Variants in PLAGL1 observed in about 807,000 individuals in gnomAD.
PLAGL1 encodes PLAG1 like zinc finger 1.
In PLAGL1, 1 loss-of-function variant was observed where a neutral mutation model predicts 4.6. That is an observed-to-expected ratio of 0.22 (90% confidence interval 0.08 to 1.03). The LOEUF (loss-of-function observed/expected upper bound fraction) is 1.03, where lower values mean the gene tolerates loss of function less well. PLAGL1 is among the 50% of genes least tolerant of loss of function. PLAGL1 has a pLI of 0.58. For missense variants in PLAGL1, 464 were observed against 570.4 expected, an observed-to-expected ratio of 0.81 and a Z score of 1.90; for synonymous variants, 240 against 237.8, an observed-to-expected ratio of 1.01 and a Z score of -0.08.
Position 143,941,629 on chromosome 6 carries a change from T to G in PLAGL1, c.1187A>C (p.Asn396Thr), listed in dbSNP as rs780866537. The change falls in exon 8 of 8, where the codon AAT becomes ACT. Residue 396 changes from asparagine (N) to threonine (T), a missense_variant. Transcript: ENST00000674357. The surrounding 1 kb of genome is among the most constrained non-coding windows in gnomAD (Gnocchi z 6.0). ...GGCAAGAGTGCTATTCCCAAAGGTA[T>G]TTTGGGTAGCAGGAGGGGGCAGCTG... ...FWQLPPPATQNTFGNSTLALG... is the reference protein window; with the variant it reads ...FWQLPPPATQTTFGNSTLALG... 1 of 1,613,924 alleles carries G rather than the reference T, an allele frequency of 6.2e-7. No homozygotes were observed. The highest frequency in any genetic ancestry group is 2.2e-5 in the East Asian group (1 of 44,870).
chr6:143,954,543 A>G lies in PLAGL1; in HGVS notation c.-325+5926T>C, dbSNP rs975099848. Among the ~76,000 whole-genome samples, 1 of 152,204 alleles carries G rather than the reference A, an allele frequency of 6.6e-6. No homozygotes were observed. The highest frequency in any genetic ancestry group is 1.5e-5 in the Non-Finnish European group (1 of 68,030). On this transcript the variant is annotated intron_variant, in intron 6 of 7. Transcript: ENST00000674357. This position sits in a 1 kb window ranked among gnomAD's most constrained non-coding sequence, Gnocchi z 5.1. ...GAGGCAGCCTCTTATAACTCAGCTA[A>G]TATAATCCAGAGACTAACATTCATT...
Position 144,048,139 on chromosome 6 carries a change from T to C in PLAGL1, c.-151+16329A>G, listed in dbSNP as rs1354814896. On this transcript the variant is annotated intron_variant, in intron 1 of 3. Coordinates refer to the PLAGL1 transcript ENST00000437412. This position sits in a 1 kb window ranked among gnomAD's most constrained non-coding sequence, Gnocchi z 4.8. ...CATGTCTCACATCAGGGTATGCTGATGCAAGAAGTGGGCTCCCACGGTCTT... is the reference window on the plus strand; with the variant it reads ...CATGTCTCACATCAGGGTATGCTGACGCAAGAAGTGGGCTCCCACGGTCTT... Among the ~76,000 whole-genome samples the C allele has an allele frequency of 6.6e-6, 1 of 152,348 alleles. No individual in the cohort carries two copies. Among genetic ancestry groups the C allele is most frequent in the Non-Finnish European group, 1.5e-5 (1 of 68,026 alleles).
chr6:143,991,181 C>T lies in PLAGL1; in HGVS notation c.-583-6007G>A, dbSNP rs192753395. 4.2e-3 allele frequency among the ~76,000 whole-genome samples: 637 copies of T among 152,248 alleles called. 3 individuals are homozygous for T. Among genetic ancestry groups the T allele is most frequent in the Non-Finnish European group, 4.5e-3 (304 of 68,026 alleles). On this transcript the variant is annotated intron_variant, in intron 1 of 7. Transcript: ENST00000674357. ...ATGCAAATTTGCTATGAAGAAACAC[C>T]TCAGAAACTGACTTATATATCATAA...
chr6:144,051,575 A>T (rs1377071949), intron 1 of PLAGL1, among the ~76,000 whole-genome samples: 1 of 152,226 alleles, frequency 6.6e-6, no homozygotes, highest in Non-Finnish European at 1.5e-5. Flanking sequence ...CCAAGTTCAA[A>T]CATATTGTAT....
rs1299414236 is a variant in PLAGL1 at position 144,000,314 on chromosome 6, A to C, written c.-584+7776T>G. Among the ~76,000 whole-genome samples the C allele has an allele frequency of 6.6e-6, 1 of 151,756 alleles. No individual in the cohort carries two copies. Among genetic ancestry groups the C allele is most frequent in the African/African-American group, 2.4e-5 (1 of 41,078 alleles). On this transcript the variant is annotated intron_variant, in intron 1 of 7. Transcript: ENST00000674357. This position sits in a 1 kb window ranked among gnomAD's most constrained non-coding sequence, Gnocchi z 4.1. ...AAGAATAAGAGATTTGAAGATCAGAAGGAAAAGAAAAAAATCATTTCTTGC... is the reference window on the plus strand; with the variant it reads ...AAGAATAAGAGATTTGAAGATCAGACGGAAAAGAAAAAAATCATTTCTTGC...
In PLAGL1 at chr6:143,984,172, T is replaced by C. The variant is rs1369333623; in HGVS notation, c.-544+963A>G. On this transcript the variant is annotated intron_variant, in intron 2 of 7. Coordinates refer to ENST00000674357, the MANE Select transcript of PLAGL1 (RefSeq NM_001317162.2). The surrounding 1 kb of genome is among the most constrained non-coding windows in gnomAD (Gnocchi z 5.5). Reference sequence around the variant, plus strand: ...TGTCCTTTTATGGTCCAACTTGCGTTCTGCTCAAATGTCCTTCTTCTCTTT... The same window carrying C: ...TGTCCTTTTATGGTCCAACTTGCGTCCTGCTCAAATGTCCTTCTTCTCTTT... Among the ~76,000 whole-genome samples, 1 of 152,232 alleles carries C rather than the reference T, an allele frequency of 6.6e-6. No homozygotes were observed. Among genetic ancestry groups the C allele is most frequent in the African/African-American group, 2.4e-5 (1 of 41,460 alleles).
intron 1 of PLAGL1, among the ~76,000 whole-genome samples, chr6:144,026,897 C>A (rs1245696776): frequency 6.6e-6 from 1 of 152,028 alleles, no homozygotes; most frequent in Non-Finnish European, 1.5e-5. Flanking sequence ...GCAAATTAAG[C>A]TCATCAATAA....
intron 2 of PLAGL1, among the ~76,000 whole-genome samples, chr6:143,977,836 T>C (rs1042010030): frequency 1.3e-5 from 2 of 152,142 alleles, no homozygotes; most frequent in Non-Finnish European, 2.9e-5. Context: ...ATTTCGTTTG[T>C]GTCACACTGG....
chr6:144,031,892 T>C (rs946759536), intron 1 of PLAGL1, among the ~76,000 whole-genome samples: 2 of 152,140 alleles, frequency 1.3e-5, no homozygotes, highest in Non-Finnish European at 2.9e-5. Flanking sequence ...TGAAGAATGA[T>C]GGTGGTATTT....
chr6:144,008,810 CT>C (rs965165862), upstream of PLAGL1: 1 of 152,262 alleles, frequency 6.6e-6, no homozygotes, highest in African/African-American at 2.4e-5. This position sits in a 1 kb window ranked among gnomAD's most constrained non-coding sequence, Gnocchi z 6.9. Context: ...GTCCTAAGCA[CT>C]TTGCAGGTAA....
At chr6:144,058,474 A>G (rs924348938) in intron 1 of PLAGL1, among the ~76,000 whole-genome samples, 2 of 152,148 alleles carry the variant, frequency 1.3e-5, no homozygotes, top group African/African-American at 2.4e-5. Flanking sequence ...TCCTTCTCAC[A>G]TTACAAAGTG....
rs1337811287 is a variant in PLAGL1 at position 144,043,408 on chromosome 6, C to T, written c.-151+21060G>A. Among the ~76,000 whole-genome samples the T allele has an allele frequency of 5.3e-5, 8 of 152,102 alleles. No homozygotes were observed. The East Asian group carries it at 5.8e-4, about 11-fold the overall frequency. ...AAGGGCTGTTGAATTTTGTTGAAGGCCTTTTCTGCATCTATTGAGATAATC... is the reference window on the plus strand; with the variant it reads ...AAGGGCTGTTGAATTTTGTTGAAGGTCTTTTCTGCATCTATTGAGATAATC... On this transcript the variant is annotated intron_variant, in intron 1 of 3. Transcript: ENST00000437412.
rs923125491 is a variant in PLAGL1, at chr6:144,006,137, A to G, written c.-584+1953T>C. The G allele has an allele frequency of 6.6e-6, 1 of 152,204 alleles. No homozygotes were observed. Among genetic ancestry groups the G allele is most frequent in the African/African-American group, 2.4e-5 (1 of 41,454 alleles). The allele number at this position is 152,204 out of a possible 1,614,324, so 9.4% of individuals were successfully genotyped here. A position where few individuals can be genotyped will look rare whatever the true frequency, so the allele number is the denominator to read the frequency against. ...AAAGAATAATTTAATGAATACTGGT[A>G]TGTCCACCATGGAATTTATGAAATA... On this transcript the variant is annotated intron_variant, in intron 1 of 7. Coordinates refer to ENST00000674357, the MANE Select transcript of PLAGL1 (RefSeq NM_001317162.2). The surrounding 1 kb of genome is among the most constrained non-coding windows in gnomAD (Gnocchi z 4.3).
rs1170904759 is a variant in PLAGL1 at position 143,995,375 on chromosome 6, G to GT, written c.-583-10202dup. On this transcript the variant is annotated intron_variant, in intron 1 of 7. Transcript: ENST00000674357. The surrounding 1 kb of genome is among the most constrained non-coding windows in gnomAD (Gnocchi z 4.4). ...TGGCTTTTGTTGTTTTGTTGTTATG[G>GT]TTTTTTGGGGGTTTTTTTGCTTTGC... Among the ~76,000 whole-genome samples, 1 of 152,046 alleles carries GT rather than the reference G, an allele frequency of 6.6e-6. No homozygotes were observed. The highest frequency in any genetic ancestry group is 2.4e-5 in the African/African-American group (1 of 41,398).
intron 1 of PLAGL1, among the ~76,000 whole-genome samples, chr6:144,051,868 C>T (rs1798606598): frequency 6.6e-6 from 1 of 152,186 alleles, no homozygotes; most frequent in South Asian, 2.1e-4. Context: ...TAATCACCTC[C>T]CACTGGGTTA....
intron 1 of PLAGL1, among the ~76,000 whole-genome samples, chr6:144,041,248 A>G (rs1361732935): frequency 2.6e-5 from 4 of 152,110 alleles, no homozygotes; most frequent in Admixed American, 6.6e-5. Context: ...TTTGTTACAT[A>G]TGTATACATG....
At chr6:144,044,839 T>C (rs1798007301) in intron 1 of PLAGL1, among the ~76,000 whole-genome samples, 1 of 152,174 alleles carries the variant, frequency 6.6e-6, no homozygotes, top group Non-Finnish European at 1.5e-5. Context: ...GATTGTTTTA[T>C]GAATCTGGGT....
rs1373152432 is a variant in PLAGL1, at chr6:144,039,232, C to T, written c.-151+25236G>A. ...TTTACTGAAGAATAAACAGAAATGGCTCAGAAACCAATGAAAAGATGGTTG... is the reference window on the plus strand; with the variant it reads ...TTTACTGAAGAATAAACAGAAATGGTTCAGAAACCAATGAAAAGATGGTTG... On this transcript the variant is annotated intron_variant, in intron 1 of 3. Coordinates refer to the PLAGL1 transcript ENST00000437412. The surrounding 1 kb of genome is among the most constrained non-coding windows in gnomAD (Gnocchi z 4.1). 6.6e-6 allele frequency among the ~76,000 whole-genome samples: 1 copy of T among 152,112 alleles called. No individual in the cohort carries two copies. The highest frequency in any genetic ancestry group is 1.5e-5 in the Non-Finnish European group (1 of 68,024).
chr6:143,999,158 T>C lies in PLAGL1; in HGVS notation c.-584+8932A>G, dbSNP rs11758403. Among the ~76,000 whole-genome samples the C allele has an allele frequency of 8.2e-3, 1,245 of 152,202 alleles. 71 individuals are homozygous for C. In the East Asian group the frequency reaches 0.15, roughly 19 times the overall value. ...GGAAAGATATTAGAAAGTTCAAATT[T>C]TTTTCCTGTATTTCAGAATGCAAAT... On this transcript the variant is annotated intron_variant, in intron 1 of 7. Transcript: ENST00000674357.
Sources: gnomAD v4.1 joint callset for allele counts (sites outside exome capture counted in the v4.1 genomes callset) on GRCh38, gnomAD v4.1.1 for gene constraint, Gnocchi (gnomAD v3.1) non-coding constraint, MANE v1.5 for transcripts, NCBI Gene and HGNC (gene_info 2026-07-23, HGNC 2026-07-21) for gene names.